CYFIP2: variants seen among roughly 807,000 people sequenced by gnomAD.
CYFIP2 encodes the protein cytoplasmic FMR1-interacting protein 2.
A neutral mutation model predicts 158.7 loss-of-function variants in CYFIP2; 29 were observed. The observed-to-expected ratio is 0.18, with a 90% confidence interval of 0.14 to 0.25. CYFIP2 has a LOEUF of 0.25. Among genes scored for constraint, CYFIP2 ranks in the 10% least tolerant of loss-of-function variants. The pLI is 1.00. For missense variants in CYFIP2, 852 were observed against 1,639.5 expected, an observed-to-expected ratio of 0.52 and a Z score of 8.29; for synonymous variants, 585 against 617.6, an observed-to-expected ratio of 0.95 and a Z score of 0.78.
chr5:157,376,993 C>G lies in CYFIP2; in HGVS notation c.3040-5597C>G, dbSNP rs1765543801. On this transcript the variant is annotated intron_variant, in intron 26 of 30. Transcript: ENST00000620254. ...CTCCATAAACGGTACCAACGTCATACAGGTGCCCTGGGCAGGGGTCCTTTT... is the reference window on the plus strand; with the variant it reads ...CTCCATAAACGGTACCAACGTCATAGAGGTGCCCTGGGCAGGGGTCCTTTT... 6 of 423,282 alleles carry G rather than the reference C, an allele frequency of 1.4e-5. No individual in the cohort carries two copies. The East Asian group carries it at 3.8e-4, about 27-fold the overall frequency. 26.2% of individuals were successfully genotyped at this position (423,282 alleles called of 1,614,324 possible).
chr5:157,343,138 G>A, intron 23 of CYFIP2: 1 of 1,614,214 alleles, frequency 6.2e-7, no homozygotes, highest in Non-Finnish European at 8.5e-7. Flanking sequence ...ACCAGAACTG[G>A]AGGCAGATGA....
At chr5:157,391,066 AG>A (rs1247819064) in intron 30 of CYFIP2, among the ~76,000 whole-genome samples, 1 of 152,062 alleles carries the variant, frequency 6.6e-6, no homozygotes, top group Non-Finnish European at 1.5e-5. Context: ...CCCTTAAACC[AG>A]GCTGAGGGCA....
intron 1 of CYFIP2, among the ~76,000 whole-genome samples, chr5:157,274,968 G>T (rs553578857): frequency 1.3e-4 from 19 of 151,870 alleles, no homozygotes; most frequent in Non-Finnish European, 2.6e-4. Flanking sequence ...TAGAAACAGG[G>T]TATCACTCTG....
intron 23 of CYFIP2, among the ~76,000 whole-genome samples, chr5:157,351,575 G>A (rs1763075278): frequency 6.6e-6 from 1 of 152,156 alleles, no homozygotes; most frequent in Non-Finnish European, 1.5e-5. Flanking sequence ...TACAACGGGA[G>A]AGACTGAAGC....
intron 28 of CYFIP2, among the ~76,000 whole-genome samples, chr5:157,388,386 G>T (rs1384093370): frequency 6.6e-6 from 1 of 152,136 alleles, no homozygotes; most frequent in African/African-American, 2.4e-5. Context: ...ACTTCTAGAG[G>T]AAATAATTAT....
chr5:157,313,815 A>C (rs1430413247), intron 11 of CYFIP2, among the ~76,000 whole-genome samples: 2 of 152,254 alleles, frequency 1.3e-5, no homozygotes, highest in African/African-American at 4.8e-5. Context: ...CCTTTCAATC[A>C]GTGATTCATG....
intron 23 of CYFIP2, among the ~76,000 whole-genome samples, chr5:157,345,150 C>A (rs1388890192): frequency 6.6e-6 from 1 of 152,214 alleles, no homozygotes; most frequent in Non-Finnish European, 1.5e-5. Context: ...TCATCCTCCC[C>A]ACACCACACA....
At chr5:157,383,119 C>A in intron 27 of CYFIP2, 146 bp from the exon 28 acceptor site, 1 of 663,504 alleles carries the variant, frequency 1.5e-6, no homozygotes. Context: ...ACTACTCACA[C>A]TTTCCAGAAC....
Position 157,333,209 on chromosome 5 carries a change from C to T in CYFIP2, c.2266-118C>T, listed in dbSNP as rs1761612113. 8.9e-6 allele frequency: 12 copies of T among 1,344,612 alleles called. No homozygotes were observed. In the South Asian group the frequency reaches 1.6e-4, roughly 18 times the overall value. 83.3% of individuals were successfully genotyped at this position (1,344,612 alleles called of 1,614,324 possible). ...GTTGGAGTTTCTCCAGGAAACCCCT[C>T]CCACCTGGCAGTCTCACTCCCACCT... is the stretch of plus-strand genomic sequence containing the variant. On this transcript the variant is annotated intron_variant, in intron 20 of 30. Coordinates refer to ENST00000620254, the MANE Select transcript of CYFIP2 (RefSeq NM_001037333.3).
Position 157,324,070 on chromosome 5 carries a change from C to G in CYFIP2, c.1821C>G (p.Ile607Met). ...TCTTCTTCACACATCTGCTCAACATCAGTGGTGAGCTGCATCCCATCCCTG... is the reference window on the plus strand; with the variant it reads ...TCTTCTTCACACATCTGCTCAACATGAGTGGTGAGCTGCATCCCATCCCTG... ...QSFFFTHLLN[I>M]SEALQQCCDL... Residue 607 changes from isoleucine (I) to methionine (M), a missense_variant, in exon 16 of 31, where the codon ATC becomes ATG. By Grantham distance (10) the Ile-to-Met change is conservative. Transcript: ENST00000620254. 1 of 1,610,868 alleles carries G rather than the reference C, an allele frequency of 6.2e-7. No individual in the cohort carries two copies.
chr5:157,376,836 C>T (rs1765527057), intron 26 of CYFIP2: 7 of 445,026 alleles, frequency 1.6e-5, no homozygotes, highest in South Asian at 1.1e-4. Flanking sequence ...ACTCTGCAGA[C>T]TCTGCAGGGC....
chr5:157,359,362 T>G (rs368151829), intron 24 of CYFIP2, among the ~76,000 whole-genome samples: 1 of 152,198 alleles, frequency 6.6e-6, no homozygotes, highest in East Asian at 1.9e-4. Flanking sequence ...CCTATAGCTG[T>G]GCTCCTCATT....
rs149888133 is a variant in CYFIP2, at chr5:157,268,870, G to C, written c.-24+2675G>C. 2.9e-3 allele frequency among the ~76,000 whole-genome samples: 437 copies of C among 152,326 alleles called. 2 individuals are homozygous for C. The highest frequency in any genetic ancestry group is 9.5e-3 in the African/African-American group (397 of 41,584). ...ATCAGTAGTGAGATGGTGGGAGAAGGGGGGCAGGCTGCTGCCTTCTTGGCA... is the reference window on the plus strand; with the variant it reads ...ATCAGTAGTGAGATGGTGGGAGAAGCGGGGCAGGCTGCTGCCTTCTTGGCA... On this transcript the variant is annotated intron_variant, in intron 1 of 30. Coordinates refer to ENST00000620254, the MANE Select transcript of CYFIP2 (RefSeq NM_001037333.3).
At position 157,294,765 on chromosome 5, in the gene CYFIP2, G is replaced by T; in HGVS notation, c.208-18G>T. The T allele has an allele frequency of 6.2e-7, 1 of 1,612,484 alleles. No homozygotes were observed. The highest frequency in any genetic ancestry group is 8.5e-7 in the Non-Finnish European group (1 of 1,178,790). On this transcript the variant is annotated intron_variant, in intron 3 of 30. Coordinates refer to ENST00000620254, the MANE Select transcript of CYFIP2 (RefSeq NM_001037333.3). The stretch of plus-strand genomic sequence containing the variant: ...ACCCGTCTTGTTCCTCCCTGCTGAG[G>T]CTGTTTTACCATTTCAGAATGAGAT...
intron 2 of CYFIP2, 128 bp downstream of exon 2, chr5:157,285,606 C>T (rs749370451): frequency 6.6e-6 from 5 of 753,856 alleles, no homozygotes; most frequent in African/African-American, 3.5e-5. Flanking sequence ...CTGATGGAGT[C>T]CCTTGTGCGC....
At chr5:157,381,791 A>G (rs1159263746) in intron 26 of CYFIP2, among the ~76,000 whole-genome samples, 1 of 151,346 alleles carries the variant, frequency 6.6e-6, no homozygotes, top group African/African-American at 2.4e-5. Context: ...ATTTTCTCAG[A>G]TGCTTAGAAT....
At chr5:157,286,984 A>C in intron 2 of CYFIP2, 35 bp from the exon 3 acceptor site, 1 of 1,586,614 alleles carries the variant, frequency 6.3e-7, no homozygotes, top group African/African-American at 1.3e-5. Context: ...ACTGTTTTCT[A>C]ACAACCAAAA....
At chr5:157,326,506 A>G (rs1470054450) in intron 18 of CYFIP2, among the ~76,000 whole-genome samples, 1 of 152,186 alleles carries the variant, frequency 6.6e-6, no homozygotes, top group East Asian at 1.9e-4. Flanking sequence ...TGCACCATGA[A>G]GGGCTTCATG....
intron 26 of CYFIP2, chr5:157,362,719 G>A (rs1480039037): frequency 6.6e-6 from 1 of 152,218 alleles, no homozygotes; most frequent in East Asian, 1.9e-4. Context: ...GAAATCATGT[G>A]TCTACTGTTA....
Sources: allele counts gnomAD v4.1 joint callset (sites outside exome capture counted in the v4.1 genomes callset), GRCh38; gene constraint gnomAD v4.1.1; transcripts MANE v1.5; gene names NCBI Gene and HGNC (gene_info 2026-07-23, HGNC 2026-07-21).